AFF3: variants seen among roughly 807,000 people sequenced by gnomAD.
AFF3 encodes ALF transcription elongation factor 3.
AFF3 carries 32 observed loss-of-function variants against 129.7 expected under a neutral mutation model. The ratio of observed to expected loss-of-function variants is 0.25; its 90% CI spans 0.19 to 0.33. AFF3 has a LOEUF of 0.33. Among genes scored for constraint, AFF3 ranks in the 10% least tolerant of loss-of-function variants. The pLI, the probability that AFF3 is intolerant of heterozygous loss-of-function variation, is 1.00. For synonymous variants in AFF3, 644 were observed against 635.4 expected (o/e 1.01, Z -0.20); for missense variants, 1,373 against 1,592.0 (o/e 0.86, Z 2.34).
intron 12 of AFF3, among the ~76,000 whole-genome samples, chr2:99,660,172 T>C (rs909557599): frequency 2.0e-5 from 3 of 152,240 alleles, no homozygotes; most frequent in African/African-American, 7.2e-5. Flanking sequence ...CTGTCCACTT[T>C]CCACTGGCCT....
intron 11 of AFF3, among the ~76,000 whole-genome samples, chr2:99,685,003 A>G (rs990119401): frequency 3.5e-5 from 5 of 143,686 alleles, no homozygotes; most frequent in Non-Finnish European, 7.5e-5. Context: ...CAGTGGTGCT[A>G]TCTTGGCTCA....
intron 13 of AFF3, among the ~76,000 whole-genome samples, chr2:99,621,730 CA>C (rs967832310): frequency 9.2e-5 from 14 of 152,088 alleles, no homozygotes; most frequent in African/African-American, 3.4e-4. Flanking sequence ...CTTGAGAGGC[CA>C]GGGGGAAGAA....
chr2:99,760,367 C>T (rs1270698517), intron 8 of AFF3, among the ~76,000 whole-genome samples: 1 of 151,818 alleles, frequency 6.6e-6, no homozygotes, highest in Admixed American at 6.6e-5. Context: ...AGAAAATGTC[C>T]CTAAGTTTTT....
intron 11 of AFF3, among the ~76,000 whole-genome samples, chr2:99,722,346 G>T (rs1678967836): frequency 6.6e-6 from 1 of 152,190 alleles, no homozygotes; most frequent in Non-Finnish European, 1.5e-5. Context: ...TTGTTTTAGA[G>T]ATTCCAAACT....
chr2:99,652,695 C>T (rs372816177), intron 12 of AFF3, among the ~76,000 whole-genome samples: 34 of 152,230 alleles, frequency 2.2e-4, no homozygotes, highest in African/African-American at 6.3e-4. Flanking sequence ...CTTCAACCTC[C>T]GGCTTAGTTT....
intron 4 of AFF3, among the ~76,000 whole-genome samples, chr2:100,066,415 T>C (rs1687720821): frequency 6.6e-6 from 1 of 152,170 alleles, no homozygotes; most frequent in Non-Finnish European, 1.5e-5. Flanking sequence ...GAGCTGAGCT[T>C]GGTTTCCACA....
At chr2:99,909,610 A>G (rs993395495) in intron 7 of AFF3, among the ~76,000 whole-genome samples, 1 of 150,012 alleles carries the variant, frequency 6.7e-6, no homozygotes, top group Non-Finnish European at 1.5e-5. Flanking sequence ...TATAATAATA[A>G]TAAAAAAAAA....
At chr2:100,024,163 C>T (rs1307562414) in intron 4 of AFF3, among the ~76,000 whole-genome samples, 2 of 126,504 alleles carry the variant, frequency 1.6e-5, no homozygotes, top group African/African-American at 3.1e-5. Context: ...ACCCGGGAGG[C>T]GGAGCTTGCA....
intron 10 of AFF3, among the ~76,000 whole-genome samples, chr2:99,730,187 A>G (rs1679706231): frequency 6.6e-6 from 1 of 152,098 alleles, no homozygotes; most frequent in Non-Finnish European, 1.5e-5. Flanking sequence ...CAGTGGGAAA[A>G]GATGCTTAAG....
At chr2:100,088,230 A>C (rs1475476095) in intron 4 of AFF3, among the ~76,000 whole-genome samples, 2 of 151,898 alleles carry the variant, frequency 1.3e-5, no homozygotes, top group South Asian at 2.1e-4. Flanking sequence ...AAGCAAAACT[A>C]TCTCTATTCA....
Position 100,068,098 on chromosome 2 carries a change from G to A in AFF3, c.53+36304C>T, listed in dbSNP as rs144616088. Among the ~76,000 whole-genome samples the A allele has an allele frequency of 1.1e-4, 16 of 152,314 alleles. No homozygotes were observed. The East Asian group carries it at 2.7e-3, about 26-fold the overall frequency. On this transcript the variant is annotated intron_variant, in intron 4 of 24. Coordinates refer to ENST00000672756, the MANE Select transcript of AFF3 (RefSeq NM_001386135.1). ...TGGCCTTGTTGTACTGCCGAAGGCC[G>A]CAAGATCACAAGCTACGTGGAATTG...
chr2:99,610,762 G>A (rs1014494492), intron 13 of AFF3, among the ~76,000 whole-genome samples: 1 of 152,172 alleles, frequency 6.6e-6, no homozygotes, highest in Non-Finnish European at 1.5e-5. Flanking sequence ...TCTGGGTGGG[G>A]ATTTCTTTGA....
chr2:100,033,050 A>G (rs1032060678), intron 4 of AFF3, among the ~76,000 whole-genome samples: 9 of 152,178 alleles, frequency 5.9e-5, no homozygotes, highest in Admixed American at 3.9e-4. Flanking sequence ...GCCAATTTCC[A>G]CATACAATTT....
At position 99,593,627 on chromosome 2, in the gene AFF3, G is replaced by A; in HGVS notation, c.2034C>T (p.Asp678=). 1 of 1,610,434 alleles carries A rather than the reference G, an allele frequency of 6.2e-7. No individual in the cohort carries two copies. Among genetic ancestry groups the A allele is most frequent in the Non-Finnish European group, 8.5e-7 (1 of 1,178,108 alleles). The change falls in exon 15 of 25, where the codon GAC becomes GAT. Residue 678 remains aspartate, a synonymous_variant. Coordinates refer to ENST00000672756, the MANE Select transcript of AFF3 (RefSeq NM_001386135.1). Reference sequence around the variant, plus strand: ...CCTCCTGCTCGGACTCCAGGTCGGAGTCCGAGGAGGAGGATGAAGATGACG... The same window carrying A: ...CCTCCTGCTCGGACTCCAGGTCGGAATCCGAGGAGGAGGATGAAGATGACG... ...TESSSSSSSS[D]SDLESEQEEY...
At chr2:99,657,957 C>T (rs1378572553) in intron 12 of AFF3, among the ~76,000 whole-genome samples, 2 of 152,154 alleles carry the variant, frequency 1.3e-5, no homozygotes, top group African/African-American at 2.4e-5. Context: ...CTGAGAGAGA[C>T]ATACTTATTT....
At chr2:99,552,542 C>G (rs995302321) in intron 24 of AFF3, among the ~76,000 whole-genome samples, 1 of 152,202 alleles carries the variant, frequency 6.6e-6, no homozygotes, top group African/African-American at 2.4e-5. Context: ...GGCTACTCTA[C>G]TGTCATGGCT....
intron 8 of AFF3, among the ~76,000 whole-genome samples, chr2:99,781,620 G>A (rs1268596020): frequency 6.6e-6 from 1 of 152,208 alleles, no homozygotes; most frequent in Admixed American, 6.5e-5. Context: ...TCAGAGACTG[G>A]ATGGCCCTCA....
chr2:99,766,582 T>G (rs779713255), intron 8 of AFF3, among the ~76,000 whole-genome samples: 3 of 152,152 alleles, frequency 2.0e-5, no homozygotes, highest in Non-Finnish European at 4.4e-5. Flanking sequence ...AGAAATAAGG[T>G]TAAACTATCC....
chr2:99,617,215 C>A (rs1391901301), intron 13 of AFF3, among the ~76,000 whole-genome samples: 2 of 152,196 alleles, frequency 1.3e-5, no homozygotes, highest in Admixed American at 1.3e-4. Flanking sequence ...TAAGTTTAAT[C>A]TTTTGAGAAC....
Sources: allele counts gnomAD v4.1 joint callset (sites outside exome capture counted in the v4.1 genomes callset), GRCh38; gene constraint gnomAD v4.1.1; transcripts MANE v1.5; gene names NCBI Gene and HGNC (gene_info 2026-07-23, HGNC 2026-07-21).